The following DIP2C variants were observed in gnomAD, a reference collection of about 807,000 sequenced individuals.
DIP2C encodes the protein DIP2 acetate--CoA ligase C (putative).
A neutral mutation model predicts 192.4 loss-of-function variants in DIP2C; 33 were observed. The ratio of observed to expected loss-of-function variants is 0.17; its 90% confidence interval spans 0.13 to 0.23. DIP2C has a LOEUF of 0.23. Among genes scored for constraint, DIP2C ranks in the 10% least tolerant of loss-of-function variants. The pLI is 1.00. For synonymous variants in DIP2C, 979 were observed against 864.1 expected, an observed-to-expected ratio of 1.13 and a Z score of -2.33; for missense variants, 1,537 against 2,110.1, an observed-to-expected ratio of 0.73 and a Z score of 5.32.
intron 1 of DIP2C, among the ~76,000 whole-genome samples, chr10:576,870 G>A (rs1201593082): frequency 6.6e-6 from 1 of 152,052 alleles, no homozygotes; most frequent in Non-Finnish European, 1.5e-5. Flanking sequence ...AGATCGTACT[G>A]TTGTGCTCCA....
intron 22 of DIP2C, among the ~76,000 whole-genome samples, chr10:359,769 G>T (rs1463994456): frequency 2.0e-5 from 3 of 152,114 alleles, no homozygotes; most frequent in Non-Finnish European, 2.9e-5. Flanking sequence ...AGATAGAAGC[G>T]TCTTCTGAAT....
At chr10:445,114 C>T (rs1968053904) in intron 3 of DIP2C, among the ~76,000 whole-genome samples, 1 of 152,218 alleles carries the variant, frequency 6.6e-6, no homozygotes, top group African/African-American at 2.4e-5. Flanking sequence ...AGTGGAACCT[C>T]ATGGGTTTAA....
At chr10:506,661 G>A (rs1845611413) in intron 1 of DIP2C, among the ~76,000 whole-genome samples, 1 of 152,144 alleles carries the variant, frequency 6.6e-6, no homozygotes, top group Admixed American at 6.5e-5. Flanking sequence ...CACTCCTGCA[G>A]TCTGCAGCTG....
intron 1 of DIP2C, among the ~76,000 whole-genome samples, chr10:678,867 G>A (rs71494920): frequency 0.23 from 560 of 2,478 alleles, 164 homozygotes; most frequent in South Asian, 0.88. Context: ...TGCTCCCCAC[G>A]CCCATGCTCC....
intron 1 of DIP2C, among the ~76,000 whole-genome samples, chr10:510,891 A>G (rs530849660): frequency 5.9e-5 from 9 of 152,298 alleles, no homozygotes; most frequent in East Asian, 5.8e-4. Flanking sequence ...GTGGTGTGGG[A>G]CAGCCAGGAC....
chr10:357,423 G>A (rs1794847844), intron 23 of DIP2C, among the ~76,000 whole-genome samples: 2 of 152,370 alleles, frequency 1.3e-5, no homozygotes, highest in African/African-American at 4.8e-5. Context: ...CTAGAAAGGA[G>A]TAGTTCAGGG....
chr10:525,765 T>A (rs1482758599), intron 1 of DIP2C, among the ~76,000 whole-genome samples: 5 of 152,182 alleles, frequency 3.3e-5, no homozygotes, highest in Admixed American at 3.3e-4. Flanking sequence ...GTGACTCAGC[T>A]AACCCTGCGA....
chr10:422,787 A>G (rs754891322), intron 5 of DIP2C, 37 bp downstream of exon 5: 1 of 1,590,966 alleles, frequency 6.3e-7, no homozygotes, highest in East Asian at 2.2e-5. Flanking sequence ...AGGCGTTTAC[A>G]CAACAGGCAC....
chr10:485,375 C>G (rs1302249989), intron 2 of DIP2C, among the ~76,000 whole-genome samples: 1 of 152,194 alleles, frequency 6.6e-6, no homozygotes, highest in Non-Finnish European at 1.5e-5. Context: ...TGCCCTGAAG[C>G]CTCTCGCCCC....
intron 28 of DIP2C, among the ~76,000 whole-genome samples, chr10:344,474 C>G (rs1283340327): frequency 6.6e-6 from 1 of 152,062 alleles, no homozygotes; most frequent in Non-Finnish European, 1.5e-5. Context: ...CTAATAGAGC[C>G]CAGGTTAAAA....
intron 1 of DIP2C, among the ~76,000 whole-genome samples, chr10:568,765 CAAAAAAAA>C (rs1206501677): frequency 4.2e-4 from 16 of 37,874 alleles, no homozygotes; most frequent in East Asian, 9.0e-4. Flanking sequence ...AACTCCGTCT[CAAAAAAAA>C]AAAAAAAAAA....
intron 17 of DIP2C, among the ~76,000 whole-genome samples, chr10:374,883 G>A (rs1359743441): frequency 6.6e-6 from 1 of 152,126 alleles, no homozygotes; most frequent in Non-Finnish European, 1.5e-5. Context: ...GCTAATAAAG[G>A]TATCCGCCCA....
At chr10:596,107 T>C (rs915141921) in intron 1 of DIP2C, among the ~76,000 whole-genome samples, 9 of 152,188 alleles carry the variant, frequency 5.9e-5, no homozygotes, top group African/African-American at 1.7e-4. Flanking sequence ...AAGGACCTTT[T>C]TTAAAGATTC....
chr10:489,086 T>A (rs1485091865), intron 1 of DIP2C, among the ~76,000 whole-genome samples: 2 of 152,172 alleles, frequency 1.3e-5, no homozygotes, highest in East Asian at 1.9e-4. Context: ...ATGTGCATGC[T>A]ACCCCAAAGC....
At chr10:647,710 C>CAGAGGGAAACTGAGCCCACGTCCACAT (rs1564300921) in intron 1 of DIP2C, among the ~76,000 whole-genome samples, 20 of 90,804 alleles carry the variant, frequency 2.2e-4, no homozygotes, top group Admixed American at 1.3e-3. Context: ...CACGTCCACA[C>CAGAGGGAAACTGAGCCCACGTCCACAT]TGGATGGTGG....
chr10:398,750 G>A (rs921423711), intron 10 of DIP2C, among the ~76,000 whole-genome samples: 13 of 152,116 alleles, frequency 8.5e-5, no homozygotes, highest in African/African-American at 3.1e-4. Context: ...CCTTGGACTG[G>A]ATGTCAAAAC....
chr10:371,699 G>A (rs1471006700), intron 17 of DIP2C, among the ~76,000 whole-genome samples: 1 of 152,096 alleles, frequency 6.6e-6, no homozygotes, highest in East Asian at 1.9e-4. Context: ...GGGAGGCTGG[G>A]GTGAGGCCTG....
At chr10:514,432 G>T (rs753642533) in intron 1 of DIP2C, among the ~76,000 whole-genome samples, 2 of 152,186 alleles carry the variant, frequency 1.3e-5, no homozygotes, top group Non-Finnish European at 2.9e-5. Flanking sequence ...AGTTCCAGGC[G>T]TCTTCTTTGT....
intron 1 of DIP2C, among the ~76,000 whole-genome samples, chr10:550,827 C>T (rs76282127): frequency 0.01 from 1,563 of 152,360 alleles, 30 homozygotes; most frequent in African/African-American, 0.035. Flanking sequence ...AAGAGGGATG[C>T]TCCATTCCCT....
Sources: gnomAD v4.1 joint callset for allele counts (sites outside exome capture counted in the v4.1 genomes callset) on GRCh38, gnomAD v4.1.1 for gene constraint, MANE v1.5 for transcripts, NCBI Gene and HGNC (gene_info 2026-07-23, HGNC 2026-07-21) for gene names.